Variants in DTNA observed in about 807,000 individuals in gnomAD.
The protein encoded by DTNA is dystrophin-related protein 3.
DTNA carries 43 observed loss-of-function variants against 100.7 expected under a neutral mutation model. The observed-to-expected ratio is 0.43, with a 90% CI of 0.33 to 0.55. The LOEUF (loss-of-function observed/expected upper bound fraction) is 0.55, where lower values mean the gene tolerates loss of function less well. Ranked by LOEUF, DTNA falls within the 20% of genes least tolerant of loss-of-function variation. The probability of loss-of-function intolerance (pLI) is 0.04; values close to 1 mark genes in which losing one functional copy is unlikely to be tolerated. For missense variants in DTNA, 798 were observed against 953.9 expected (o/e 0.84, Z 2.15); for synonymous variants, 349 against 347.9 (o/e 1.00, Z -0.04).
chr18:34,883,397 T>TA (rs2096892774), intron 21 of DTNA, among the ~76,000 whole-genome samples: 1 of 152,002 alleles, frequency 6.6e-6, no homozygotes, highest in South Asian at 2.1e-4. Flanking sequence ...CTGCAGCCTC[T>TA]AACTCCTGGG....
In DTNA at chr18:34,844,770, A is replaced by G. The variant is rs190765859; in HGVS notation, c.1347-3526A>G. On this transcript the variant is annotated intron_variant, in intron 13 of 22. Coordinates refer to ENST00000444659, the MANE Select transcript of DTNA (RefSeq NM_001386795.1). Reference sequence around the variant, plus strand: ...TGACTACCCTAACTTAGAAAGCAGAACAGGCCCAGAAAAAAATCAAAAGAA... The same window carrying G: ...TGACTACCCTAACTTAGAAAGCAGAGCAGGCCCAGAAAAAAATCAAAAGAA... 5.9e-5 allele frequency among the ~76,000 whole-genome samples: 9 copies of G among 152,318 alleles called. No individual in the cohort carries two copies. The East Asian group carries it at 1.7e-3, about 29-fold the overall frequency.
At position 34,689,019 on chromosome 18, in the gene DTNA, T is replaced by C. The variant is rs1600235448; in HGVS notation, c.-1-66957T>C. On this transcript the variant is annotated intron_variant, in intron 1 of 19. Transcript: ENST00000283365. The stretch of plus-strand genomic sequence containing the variant: ...AGGTCATTTATGTTCTTCTCTAAAC[T>C]GGTTATTCTAGTTAGCAATTCCTCT... Among the ~76,000 whole-genome samples the C allele has an allele frequency of 3.3e-5, 5 of 152,272 alleles. No individual in the cohort carries two copies. The South Asian group carries it at 1.0e-3, about 32-fold the overall frequency.
intron 3 of DTNA, among the ~76,000 whole-genome samples, chr18:34,782,344 T>C (rs9955050): frequency 0.14 from 21,470 of 152,184 alleles, 1,602 homozygotes; most frequent in African/African-American, 0.17. Flanking sequence ...TGTTTCAAAA[T>C]ATACATGACC....
At chr18:34,829,907 A>G (rs1213046778) in intron 11 of DTNA, among the ~76,000 whole-genome samples, 1 of 152,216 alleles carries the variant, frequency 6.6e-6, no homozygotes, top group Non-Finnish European at 1.5e-5. Context: ...CTTTGCAGTT[A>G]AAGACTTGAG....
intron 1 of DTNA, among the ~76,000 whole-genome samples, chr18:34,634,862 A>C (rs1166508044): frequency 6.6e-6 from 1 of 152,200 alleles, no homozygotes; most frequent in Non-Finnish European, 1.5e-5. Context: ...TCGAGAATAC[A>C]ATACATTGTT....
chr18:34,556,579 C>T (rs1041921708), intron 1 of DTNA, among the ~76,000 whole-genome samples: 3 of 152,118 alleles, frequency 2.0e-5, no homozygotes, highest in Non-Finnish European at 4.4e-5. Context: ...GTGACAAAAT[C>T]TGTCAGCATT....
At chr18:34,563,403 T>C (rs1472514259) in intron 1 of DTNA, among the ~76,000 whole-genome samples, 1 of 152,210 alleles carries the variant, frequency 6.6e-6, no homozygotes, top group Non-Finnish European at 1.5e-5. Flanking sequence ...GATTTTGGAT[T>C]TCTGACCTCC....
intron 1 of DTNA, among the ~76,000 whole-genome samples, chr18:34,615,193 G>C (rs1393199462): frequency 1.3e-5 from 2 of 152,048 alleles, no homozygotes; most frequent in Admixed American, 6.6e-5. Flanking sequence ...ACAACACATA[G>C]TGAAAGCAGA....
intron 1 of DTNA, among the ~76,000 whole-genome samples, chr18:34,607,994 A>G (rs549016002): frequency 6.6e-5 from 10 of 152,338 alleles, no homozygotes; most frequent in Admixed American, 3.3e-4. Context: ...AGAAGTGGCA[A>G]GGATTCCAAA....
At chr18:34,616,742 C>T (rs900595297) in intron 1 of DTNA, among the ~76,000 whole-genome samples, 1 of 152,078 alleles carries the variant, frequency 6.6e-6, no homozygotes, top group East Asian at 1.9e-4. Flanking sequence ...CAATATTGAT[C>T]CTTCCTATCA....
Position 34,579,457 on chromosome 18 carries a change from C to G in DTNA, c.-2+85943C>G, listed in dbSNP as rs534146252. ...GCAAGAATTCACCTTGAAAACTTTC[C>G]TTGTCTCTTATAGTATGTATTTGCT... On this transcript the variant is annotated intron_variant, in intron 1 of 19. Transcript: ENST00000283365. Among the ~76,000 whole-genome samples, 47 of 152,244 alleles carry G rather than the reference C, an allele frequency of 3.1e-4. No homozygotes were observed. In the South Asian group the frequency reaches 8.1e-3, roughly 26 times the overall value.
At chr18:34,619,052 C>T (rs1046124283) in intron 1 of DTNA, among the ~76,000 whole-genome samples, 1 of 151,972 alleles carries the variant, frequency 6.6e-6, no homozygotes, top group Non-Finnish European at 1.5e-5. Flanking sequence ...GGCAGATTTG[C>T]GTTTGTGTGT....
intron 13 of DTNA, among the ~76,000 whole-genome samples, chr18:34,840,716 A>G: frequency 6.6e-6 from 1 of 152,166 alleles, no homozygotes; most frequent in East Asian, 1.9e-4. Context: ...TATTTTGAAA[A>G]CAAAGCAGAA....
chr18:34,556,622 A>G (rs1032963067), intron 1 of DTNA, among the ~76,000 whole-genome samples: 2 of 151,024 alleles, frequency 1.3e-5, no homozygotes, highest in Non-Finnish European at 3.0e-5. Context: ...TTTCTCCTTC[A>G]CTTATGAAGC....
At chr18:34,755,303 G>A (rs1322921794) in intron 1 of DTNA, among the ~76,000 whole-genome samples, 1 of 151,886 alleles carries the variant, frequency 6.6e-6, no homozygotes, top group Non-Finnish European at 1.5e-5. Context: ...TTAACTGTTG[G>A]CATTTTAGTA....
At chr18:34,663,564 A>C (rs2075495571) in intron 1 of DTNA, among the ~76,000 whole-genome samples, 1 of 152,192 alleles carries the variant, frequency 6.6e-6, no homozygotes, top group Non-Finnish European at 1.5e-5. Flanking sequence ...TGTTCAAGGT[A>C]CAAGTGGTAC....
At chr18:34,734,310 T>TCTACTTCTACTGAGTAGAGTAGAGAAA in intron 1 of DTNA, among the ~76,000 whole-genome samples, 1 of 152,248 alleles carries the variant, frequency 6.6e-6, no homozygotes, top group Non-Finnish European at 1.5e-5. Flanking sequence ...GAGGGGATGT[T>TCTACTTCTACTGAGTAGAGTAGAGAAA]GACTCTACTG....
intron 1 of DTNA, among the ~76,000 whole-genome samples, chr18:34,560,852 A>G (rs1307597646): frequency 6.6e-6 from 1 of 152,254 alleles, no homozygotes; most frequent in East Asian, 1.9e-4. Context: ...AGCCCAAGAT[A>G]TGGAGGTTGC....
At chr18:34,741,185 G>A (rs548260900) in intron 1 of DTNA, among the ~76,000 whole-genome samples, 3 of 152,146 alleles carry the variant, frequency 2.0e-5, no homozygotes, top group African/African-American at 7.2e-5. Flanking sequence ...AATTCACTGA[G>A]GTACTGGCTT....
Sources: gnomAD v4.1 joint callset for allele counts (sites outside exome capture counted in the v4.1 genomes callset) on GRCh38, gnomAD v4.1.1 for gene constraint, MANE v1.5 for transcripts, NCBI Gene and HGNC (gene_info 2026-07-23, HGNC 2026-07-21) for gene names.